KCNQ1: variants seen among roughly 807,000 people sequenced by gnomAD.
KCNQ1 encodes potassium voltage-gated channel subfamily Q member 1, also known as potassium voltage-gated channel subfamily KQT member 1.
In KCNQ1, 49 loss-of-function variants were observed where a neutral mutation model predicts 72.4. The observed-to-expected ratio is 0.68, with a 90% CI of 0.54 to 0.86. KCNQ1 has a LOEUF of 0.86. Ranked by LOEUF, KCNQ1 falls within the 40% of genes least tolerant of loss-of-function variation. KCNQ1 has a pLI of 0.00. For synonymous variants in KCNQ1, 450 were observed against 412.6 expected (o/e 1.09, Z -1.10); for missense variants, 790 against 945.1 (o/e 0.84, Z 2.15).
rs911914936 is a variant in KCNQ1, at chr11:2,495,362, T to C, written c.387-32566T>C. On this transcript the variant is annotated intron_variant, in intron 1 of 15. Coordinates refer to ENST00000155840, the MANE Select transcript of KCNQ1 (RefSeq NM_000218.3). This position sits in a 1 kb window ranked among gnomAD's most constrained non-coding sequence, Gnocchi z 4.6. ...TCAGTTCTGCTCTGATCTTAGTTAT[T>C]TCTTGTCTTCTGCTAGCTTTTGAAT... 6.6e-6 allele frequency among the ~76,000 whole-genome samples: 1 copy of C among 152,162 alleles called. No homozygotes were observed. The highest frequency in any genetic ancestry group is 2.4e-5 in the African/African-American group (1 of 41,454).
intron 11 of KCNQ1, among the ~76,000 whole-genome samples, chr11:2,707,957 C>A (rs1412832331): frequency 6.6e-6 from 1 of 152,220 alleles, no homozygotes; most frequent in South Asian, 2.1e-4. Flanking sequence ...TGCCACCCCC[C>A]AGAGTTCCTG....
At chr11:2,445,578 C>A in intron 1 of KCNQ1, 94 bp downstream of exon 1, 1 of 1,417,338 alleles carries the variant, frequency 7.1e-7, no homozygotes, top group Non-Finnish European at 9.6e-7. Flanking sequence ...CCCGTCGGAG[C>A]TGCGACCCCG....
chr11:2,789,007 C>CA (rs1286208011), intron 15 of KCNQ1, among the ~76,000 whole-genome samples: 1 of 152,170 alleles, frequency 6.6e-6, no homozygotes, highest in African/African-American at 2.4e-5. Flanking sequence ...CTGGCATTCT[C>CA]ACAGCCATCA....
At chr11:2,545,013 A>C (rs1283032393) in intron 2 of KCNQ1, among the ~76,000 whole-genome samples, 1 of 152,190 alleles carries the variant, frequency 6.6e-6, no homozygotes, top group African/African-American at 2.4e-5. Context: ...TGGGTGTTAA[A>C]TTTTGTCAAA....
intron 1 of KCNQ1, among the ~76,000 whole-genome samples, chr11:2,504,474 A>C (rs1473100915): frequency 6.6e-6 from 1 of 152,116 alleles, no homozygotes; most frequent in Non-Finnish European, 1.5e-5. Flanking sequence ...ACTAAAAGAG[A>C]GCTGGGCACA....
At chr11:2,582,834 C>T (rs1409101621) in intron 6 of KCNQ1, among the ~76,000 whole-genome samples, 3 of 152,186 alleles carry the variant, frequency 2.0e-5, no homozygotes, top group East Asian at 3.9e-4. Flanking sequence ...GGAAGCAAAC[C>T]TCAGATGCCA....
intron 11 of KCNQ1, chr11:2,693,762 T>G: frequency 2.5e-6 from 1 of 398,688 alleles, no homozygotes; most frequent in Non-Finnish European, 4.4e-6. Flanking sequence ...GCCAGTAACC[T>G]GGACATGCTG....
rs911508170 is a variant in KCNQ1 at position 2,683,115 on chromosome 11, G to T, written c.1514+21034G>T. 1.4e-5 allele frequency: 5 copies of T among 354,678 alleles called. No individual in the cohort carries two copies. In the East Asian group the frequency reaches 2.0e-4, roughly 15 times the overall value. The allele number at this position is 354,678 out of a possible 1,614,324, so 22.0% of individuals were successfully genotyped here. A position where few individuals can be genotyped will look rare whatever the true frequency, so the allele number is the denominator to read the frequency against. The stretch of plus-strand genomic sequence containing the variant: ...GATTTTCTTGTTCCCAGGATATATC[G>T]CACCAACTCAGGAGGGTGTGGGGAT... On this transcript the variant is annotated intron_variant, in intron 11 of 15. Coordinates refer to ENST00000155840, the MANE Select transcript of KCNQ1 (RefSeq NM_000218.3). The surrounding 1 kb of genome is among the most constrained non-coding windows in gnomAD (Gnocchi z 4.7).
At position 2,613,737 on chromosome 11, in the gene KCNQ1, C is replaced by A. The variant is rs188973037; in HGVS notation, c.1393+24883C>A. The A allele has an allele frequency of 6.3e-4, 250 of 398,370 alleles. No homozygotes were observed. The highest frequency in any genetic ancestry group is 4.6e-3 in the African/African-American group (226 of 48,668). The allele number at this position is 398,370 out of a possible 1,614,324, so 24.7% of individuals were successfully genotyped here. Reference sequence around the variant, plus strand: ...ATAACATTAACATACTTCCAAAAGTCAATACTAAACAAAAGGAGCTACTGA... The same window carrying A: ...ATAACATTAACATACTTCCAAAAGTAAATACTAAACAAAAGGAGCTACTGA... On this transcript the variant is annotated intron_variant, in intron 10 of 15. Transcript: ENST00000155840. The surrounding 1 kb of genome is among the most constrained non-coding windows in gnomAD (Gnocchi z 4.8).
intron 10 of KCNQ1, chr11:2,650,658 C>A: frequency 2.5e-6 from 1 of 398,638 alleles, no homozygotes; most frequent in African/African-American, 2.1e-5. Flanking sequence ...AACTTTTTGA[C>A]AAAGCATTTT....
intron 11 of KCNQ1, among the ~76,000 whole-genome samples, chr11:2,730,651 G>C (rs1845841732): frequency 6.6e-6 from 1 of 152,224 alleles, no homozygotes; most frequent in Non-Finnish European, 1.5e-5. Context: ...ATCCAGTGCA[G>C]AGGTGAGACC....
Position 2,621,222 on chromosome 11 carries a change from CGCA to C in KCNQ1, c.1393+32369_1393+32371del, listed in dbSNP as rs1849166672. On this transcript the variant is annotated intron_variant, in intron 10 of 15. Transcript: ENST00000155840. This position sits in a 1 kb window ranked among gnomAD's most constrained non-coding sequence, Gnocchi z 5.7. ...CGAATACCTGACCCCAGATGATCCA[CGCA>C]CCTCAGCCTCCCAAAGTGCTAGGAC... is the stretch of plus-strand genomic sequence containing the variant. The C allele has an allele frequency of 1.8e-5, 7 of 397,800 alleles. No homozygotes were observed. Among genetic ancestry groups the C allele is most frequent in the Admixed American group, 4.4e-5 (1 of 22,702 alleles). The allele number at this position is 397,800 out of a possible 1,614,324, so 24.6% of individuals were successfully genotyped here.
In KCNQ1 at chr11:2,507,305, C is replaced by T. The variant is rs565013949; in HGVS notation, c.387-20623C>T. Reference sequence around the variant, plus strand: ...TTCACCCCACTGGCTGGGGCCTTCACGAGGCCCCTCTGGCCTCTAAGTGGA... The same window carrying T: ...TTCACCCCACTGGCTGGGGCCTTCATGAGGCCCCTCTGGCCTCTAAGTGGA... On this transcript the variant is annotated intron_variant, in intron 1 of 15. Coordinates refer to ENST00000155840, the MANE Select transcript of KCNQ1 (RefSeq NM_000218.3). The surrounding 1 kb of genome is among the most constrained non-coding windows in gnomAD (Gnocchi z 5.4). Among the ~76,000 whole-genome samples the T allele has an allele frequency of 1.6e-3, 237 of 152,212 alleles. 1 individual carries two copies. The highest frequency in any genetic ancestry group is 5.4e-3 in the African/African-American group (224 of 41,512).
At chr11:2,774,338 G>A (rs994116704) in intron 12 of KCNQ1, among the ~76,000 whole-genome samples, 2 of 152,198 alleles carry the variant, frequency 1.3e-5, no homozygotes, top group Non-Finnish European at 2.9e-5. Context: ...CAATGCCGGC[G>A]ATCCTGGTGC....
At chr11:2,505,845 C>A (rs1004307014) in intron 1 of KCNQ1, among the ~76,000 whole-genome samples, 2 of 152,148 alleles carry the variant, frequency 1.3e-5, no homozygotes, top group African/African-American at 2.4e-5. Flanking sequence ...CTCTTTCCAC[C>A]CTTTCACTTT....
intron 15 of KCNQ1, among the ~76,000 whole-genome samples, chr11:2,820,656 T>C (rs114583091): frequency 0.016 from 2,378 of 152,272 alleles, 53 homozygotes; most frequent in African/African-American, 0.054. Flanking sequence ...AATAATATTG[T>C]GGATTTCTTG....
At chr11:2,733,857 C>CTCTCTCTCTCTCTCTCTCTCTCG (rs147278439) in intron 11 of KCNQ1, among the ~76,000 whole-genome samples, 1 of 76,322 alleles carries the variant, frequency 1.3e-5, no homozygotes. Context: ...CTCTCTCTCT[C>CTCTCTCTCTCTCTCTCTCTCTCG]CCCCCCCACT....
At chr11:2,485,696 C>G (rs1042138456) in intron 1 of KCNQ1, among the ~76,000 whole-genome samples, 1 of 152,150 alleles carries the variant, frequency 6.6e-6, no homozygotes, top group Non-Finnish European at 1.5e-5. Flanking sequence ...CCCCCATTCT[C>G]TCTTCCCCAG....
chr11:2,746,823 C>G lies in KCNQ1; in HGVS notation c.1515-22021C>G, dbSNP rs1846147767. On this transcript the variant is annotated intron_variant, in intron 11 of 15. Transcript: ENST00000155840. This position sits in a 1 kb window ranked among gnomAD's most constrained non-coding sequence, Gnocchi z 5.9. ...CCCGCCAGCATTTGGCTCTGGGGCC[C>G]TAGAGAGACCCTGGGATGTGGATCA... Among the ~76,000 whole-genome samples, 1 of 152,228 alleles carries G rather than the reference C, an allele frequency of 6.6e-6. No individual in the cohort carries two copies. The highest frequency in any genetic ancestry group is 2.4e-5 in the African/African-American group (1 of 41,452).
Sources: allele counts gnomAD v4.1 joint callset (sites outside exome capture counted in the v4.1 genomes callset), GRCh38; gene constraint gnomAD v4.1.1; non-coding constraint Gnocchi (gnomAD v3.1); transcripts MANE v1.5; gene names NCBI Gene and HGNC (gene_info 2026-07-23, HGNC 2026-07-21).